CRTC1: variants seen among roughly 807,000 people sequenced by gnomAD.
CRTC1 encodes the protein CREB regulated transcription coactivator 1.
In CRTC1, 18 loss-of-function variants were observed where a neutral mutation model predicts 66.1. The ratio of observed to expected loss-of-function variants is 0.27; its 90% confidence interval spans 0.19 to 0.40. The LOEUF (loss-of-function observed/expected upper bound fraction) is 0.40, where lower values mean the gene tolerates loss of function less well. Among genes scored for constraint, CRTC1 ranks in the 10% least tolerant of loss-of-function variants. The pLI is 1.00. For missense variants in CRTC1, 669 were observed against 887.9 expected (o/e 0.75, Z 3.13); for synonymous variants, 416 against 398.8 (o/e 1.04, Z -0.51).
intron 6 of CRTC1, among the ~76,000 whole-genome samples, chr19:18,755,770 T>C (rs1015774503): frequency 6.6e-6 from 1 of 151,742 alleles, no homozygotes; most frequent in African/African-American, 2.4e-5. Context: ...GCCCGGCCAA[T>C]TTTTAAATCA....
chr19:18,758,075 G>A (rs1436092512), intron 6 of CRTC1, among the ~76,000 whole-genome samples: 7 of 149,078 alleles, frequency 4.7e-5, no homozygotes, highest in East Asian at 2.0e-4. Context: ...TTTAAAAGGC[G>A]GAAGAGGCCA....
At chr19:18,756,340 A>AG (rs2054486353) in intron 6 of CRTC1, among the ~76,000 whole-genome samples, 1 of 149,548 alleles carries the variant, frequency 6.7e-6, no homozygotes, top group Non-Finnish European at 1.5e-5. Context: ...ATCTCAAAAA[A>AG]AAAAAAAAAA....
intron 1 of CRTC1, among the ~76,000 whole-genome samples, chr19:18,691,879 A>G (rs1487079749): frequency 1.3e-5 from 2 of 151,936 alleles, no homozygotes; most frequent in Non-Finnish European, 2.9e-5. Context: ...ACGCCTGGGT[A>G]ATTTTTGTAT....
At chr19:18,766,477 C>T (rs184345745) in intron 9 of CRTC1, among the ~76,000 whole-genome samples, 33 of 148,176 alleles carry the variant, frequency 2.2e-4, no homozygotes, top group Non-Finnish European at 3.1e-4. Flanking sequence ...GACAGAGTCT[C>T]GCTCTGTCAC....
At chr19:18,716,971 GCAGGA>G (rs1239072065) in intron 1 of CRTC1, among the ~76,000 whole-genome samples, 2 of 146,368 alleles carry the variant, frequency 1.4e-5, no homozygotes, top group Non-Finnish European at 3.1e-5. Flanking sequence ...TGGCGTGCAG[GCAGGA>G]CAGGAGTGCA....
At chr19:18,736,791 G>T (rs984479655) in intron 1 of CRTC1, among the ~76,000 whole-genome samples, 1 of 152,170 alleles carries the variant, frequency 6.6e-6, no homozygotes, top group Non-Finnish European at 1.5e-5. Flanking sequence ...GGTCTGCCAC[G>T]GCTTTGCAGG....
At position 18,782,088 on chromosome 19, in the gene CRTC1, C is replaced by G; in HGVS notation, c.*4706C>G. Reference sequence around the variant, plus strand: ...GTGGCCCCACTGATATATGCAAACCCGCCGGTCCGAGCCCTGTTCCTGCCT... The same window carrying G: ...GTGGCCCCACTGATATATGCAAACCGGCCGGTCCGAGCCCTGTTCCTGCCT... On this transcript the variant is annotated 3_prime_UTR_variant, in exon 14 of 14. Transcript: ENST00000321949. 1 of 224,782 alleles carries G rather than the reference C, an allele frequency of 4.4e-6. No homozygotes were observed. The highest frequency in any genetic ancestry group is 5.7e-5 in the Admixed American group (1 of 17,484). The allele number at this position is 224,782 out of a possible 1,614,324, so 13.9% of individuals were successfully genotyped here.
At chr19:18,744,550 G>A (rs2054188537) in intron 2 of CRTC1, among the ~76,000 whole-genome samples, 8 of 152,114 alleles carry the variant, frequency 5.3e-5, no homozygotes, top group Admixed American at 5.2e-4. Context: ...AACCAGGCCA[G>A]CAGGCAGGAC....
chr19:18,741,605 G>C lies in CRTC1; in HGVS notation c.127-1305G>C, dbSNP rs527408738. 6.6e-6 allele frequency among the ~76,000 whole-genome samples: 1 copy of C among 152,138 alleles called. No homozygotes were observed. Among genetic ancestry groups the C allele is most frequent in the Non-Finnish European group, 1.5e-5 (1 of 67,994 alleles). ...ACACCCCCTCCCTCTGCCACAGCCC[G>C]GAGCTGGCCTGTTTCATCTGGTGTG... is the stretch of plus-strand genomic sequence containing the variant. On this transcript the variant is annotated intron_variant, in intron 1 of 13. Transcript: ENST00000321949. The surrounding 1 kb of genome is among the most constrained non-coding windows in gnomAD (Gnocchi z 4.2).
At position 18,736,356 on chromosome 19, in the gene CRTC1, A is replaced by G. The variant is rs141196670; in HGVS notation, c.127-6554A>G. Among the ~76,000 whole-genome samples the G allele has an allele frequency of 8.0e-3, 1,216 of 152,138 alleles. 27 individuals are homozygous for G. Among genetic ancestry groups the G allele is most frequent in the African/African-American group, 0.026 (1,070 of 41,468 alleles). ...GGTCAGCTCCCAGGATCCAGGATCC[A>G]GGTACATCCTGTGCATTCGCTGGGC... On this transcript the variant is annotated intron_variant, in intron 1 of 13. Transcript: ENST00000321949.
chr19:18,692,601 CAA>C (rs36124401), intron 1 of CRTC1, among the ~76,000 whole-genome samples: 105 of 123,956 alleles, frequency 8.5e-4, no homozygotes, highest in South Asian at 1.3e-3. Flanking sequence ...AACTCTGTCT[CAA>C]AAAAAAAAAA....
chr19:18,718,060 G>A (rs990932622), intron 1 of CRTC1, among the ~76,000 whole-genome samples: 3 of 152,166 alleles, frequency 2.0e-5, no homozygotes, highest in Non-Finnish European at 4.4e-5. Context: ...ATGGCGTTTG[G>A]CGCATTCACA....
At chr19:18,763,115 T>G (rs543594214) in intron 8 of CRTC1, among the ~76,000 whole-genome samples, 1 of 152,200 alleles carries the variant, frequency 6.6e-6, no homozygotes, top group Non-Finnish European at 1.5e-5. Flanking sequence ...TTTTTCTTTT[T>G]TTTGAGACAA....
At chr19:18,762,066 T>C (rs1434546864) in intron 8 of CRTC1, among the ~76,000 whole-genome samples, 1 of 152,196 alleles carries the variant, frequency 6.6e-6, no homozygotes, top group African/African-American at 2.4e-5. Flanking sequence ...ACCAGAAAGC[T>C]GAAGGTCAGC....
intron 1 of CRTC1, chr19:18,735,713 T>A (rs1471415909): frequency 6.5e-6 from 1 of 152,948 alleles, no homozygotes; most frequent in Non-Finnish European, 1.5e-5. Flanking sequence ...TCTCAGACCC[T>A]ATGAGCTCCC....
chr19:18,690,255 C>G (rs2052798392), intron 1 of CRTC1, among the ~76,000 whole-genome samples: 1 of 152,086 alleles, frequency 6.6e-6, no homozygotes, highest in Non-Finnish European at 1.5e-5. Flanking sequence ...AGGGCACTCT[C>G]CTGCTGTTAC....
chr19:18,687,077 G>A (rs1262658671), intron 1 of CRTC1, among the ~76,000 whole-genome samples: 3 of 147,790 alleles, frequency 2.0e-5, no homozygotes, highest in Non-Finnish European at 3.0e-5. Flanking sequence ...GTGCAGTGGC[G>A]CAATCTCGGC....
At chr19:18,753,399 GCCATGA>G in intron 5 of CRTC1, 95 bp from the exon 6 acceptor site, 1 of 819,156 alleles carries the variant, frequency 1.2e-6, no homozygotes, top group African/African-American at 1.7e-5. Context: ...TCTTACCATG[GCCATGA>G]CTCCGTGTGT....
chr19:18,759,959 A>C, intron 7 of CRTC1, 49 bp from the exon 8 acceptor site: 5 of 1,210,104 alleles, frequency 4.1e-6, no homozygotes, highest in South Asian at 1.5e-5. Context: ...CCCCGCCGCC[A>C]GCCCCGCCCC....
Sources: gnomAD v4.1 joint callset for allele counts (sites outside exome capture counted in the v4.1 genomes callset) on GRCh38, gnomAD v4.1.1 for gene constraint, Gnocchi (gnomAD v3.1) non-coding constraint, MANE v1.5 for transcripts, NCBI Gene and HGNC (gene_info 2026-07-23, HGNC 2026-07-21) for gene names.